MAST4: variants seen among roughly 807,000 people sequenced by gnomAD.
The protein encoded by MAST4 is microtubule associated serine/threonine kinase family member 4, also known as microtubule-associated serine/threonine-protein kinase 4.
MAST4 carries 89 observed loss-of-function variants against 162.7 expected under a neutral mutation model. The observed-to-expected ratio is 0.55, with a 90% CI of 0.46 to 0.65. MAST4 has a LOEUF of 0.65. Among genes scored for constraint, MAST4 ranks in the 30% least tolerant of loss-of-function variants. The probability of loss-of-function intolerance (pLI) is 0.00; values close to 1 mark genes in which losing one functional copy is unlikely to be tolerated. For synonymous variants in MAST4, 1,479 were observed against 1,361.1 expected, an observed-to-expected ratio of 1.09 and a Z score of -1.91; for missense variants, 3,153 against 3,374.0, an observed-to-expected ratio of 0.93 and a Z score of 1.62.
At position 66,676,037 on chromosome 5, in the gene MAST4, C is replaced by T. The variant is rs544307221; in HGVS notation, c.363+79019C>T. Among the ~76,000 whole-genome samples the T allele has an allele frequency of 7.9e-5, 12 of 152,264 alleles. No individual in the cohort carries two copies. In the South Asian group the frequency reaches 1.5e-3, roughly 18 times the overall value. On this transcript the variant is annotated intron_variant, in intron 1 of 28. Transcript: ENST00000403625. ...GCCTTATTTTGTGTGGCTTAGTTGA[C>T]GCATGAAATCTTCATTGATTTTTGG...
intron 4 of MAST4, among the ~76,000 whole-genome samples, chr5:67,011,594 C>T (rs1752680313): frequency 6.6e-6 from 1 of 152,186 alleles, no homozygotes; most frequent in Non-Finnish European, 1.5e-5. Context: ...AGGGATACCC[C>T]TAGAGCAGAG....
At chr5:66,950,321 A>G (rs1283637910) in intron 4 of MAST4, among the ~76,000 whole-genome samples, 2 of 151,764 alleles carry the variant, frequency 1.3e-5, no homozygotes, top group Non-Finnish European at 2.9e-5. Context: ...ATTCTGCGCC[A>G]TTAAGTACAT....
intron 4 of MAST4, among the ~76,000 whole-genome samples, chr5:66,958,581 C>T (rs1487645682): frequency 2.0e-5 from 3 of 152,316 alleles, no homozygotes; most frequent in African/African-American, 4.8e-5. Context: ...TTTGCCTGTT[C>T]ACACAAGTCT....
chr5:66,597,120 G>C, intron 1 of MAST4, 102 bp downstream of exon 1: 1 of 1,247,698 alleles, frequency 8.0e-7, no homozygotes. Context: ...CTGTGGCCTG[G>C]AGATAGGGAG....
At chr5:67,081,165 A>G (rs2150740695) in intron 5 of MAST4, among the ~76,000 whole-genome samples, 1 of 148,994 alleles carries the variant, frequency 6.7e-6, no homozygotes, top group East Asian at 2.0e-4. Context: ...CAGGAGCAAT[A>G]GAAGCTTAGC....
intron 1 of MAST4, among the ~76,000 whole-genome samples, chr5:66,654,366 T>C (rs1288909167): frequency 6.6e-6 from 1 of 152,120 alleles, no homozygotes; most frequent in Non-Finnish European, 1.5e-5. Context: ...TAAAGGACTG[T>C]GGTTGCTGTG....
chr5:66,728,269 G>T (rs1288962227), intron 1 of MAST4, among the ~76,000 whole-genome samples: 1 of 152,180 alleles, frequency 6.6e-6, no homozygotes, highest in Non-Finnish European at 1.5e-5. Context: ...AAGTTCTTCT[G>T]TTGGTGTGTG....
intron 1 of MAST4, among the ~76,000 whole-genome samples, chr5:66,719,082 T>C (rs375147850): frequency 3.3e-5 from 5 of 152,288 alleles, no homozygotes; most frequent in Admixed American, 6.5e-5. Context: ...GGGTGAGTTA[T>C]GGGAAGTGAA....
intron 4 of MAST4, among the ~76,000 whole-genome samples, chr5:67,003,404 G>T (rs1403794511): frequency 6.6e-6 from 1 of 152,130 alleles, no homozygotes; most frequent in Non-Finnish European, 1.5e-5. Flanking sequence ...TGGGCCACAA[G>T]AATTAGATAA....
At chr5:66,666,042 A>G (rs1747235961) in intron 1 of MAST4, among the ~76,000 whole-genome samples, 1 of 152,138 alleles carries the variant, frequency 6.6e-6, no homozygotes, top group South Asian at 2.1e-4. Flanking sequence ...ATTCTAGTTT[A>G]ATTGGTTTAG....
chr5:66,800,579 A>G (rs552764302), intron 3 of MAST4, among the ~76,000 whole-genome samples: 3 of 152,232 alleles, frequency 2.0e-5, no homozygotes, highest in African/African-American at 7.2e-5. Flanking sequence ...GATCAGGAAA[A>G]ATAACTAATG....
At chr5:66,684,155 C>T (rs897257154) in intron 1 of MAST4, among the ~76,000 whole-genome samples, 1 of 152,146 alleles carries the variant, frequency 6.6e-6, no homozygotes, top group African/African-American at 2.4e-5. Flanking sequence ...CTGATGAAAG[C>T]TGGGGCAGTG....
intron 1 of MAST4, among the ~76,000 whole-genome samples, chr5:66,639,392 G>A (rs545973270): frequency 2.0e-5 from 3 of 151,958 alleles, no homozygotes; most frequent in Non-Finnish European, 2.9e-5. Context: ...CACACACCGT[G>A]TTTTGTACAT....
rs752562246 is a variant in MAST4, at chr5:66,759,695, T to C, written c.364-14T>C. 1 of 1,613,374 alleles carries C rather than the reference T, an allele frequency of 6.2e-7. No individual in the cohort carries two copies. Among genetic ancestry groups the C allele is most frequent in the East Asian group, 2.2e-5 (1 of 44,880 alleles). On this transcript the variant is annotated splice_polypyrimidine_tract_variant and intron_variant, in intron 1 of 28. Transcript: ENST00000403625. Reference sequence around the variant, plus strand: ...ATGCCCTAGCCAGTGATGCCATTCTTCCTCTTTCTGCAGCTTGACCACATA... The same window carrying C: ...ATGCCCTAGCCAGTGATGCCATTCTCCCTCTTTCTGCAGCTTGACCACATA...
chr5:67,133,009 G>C (rs906877692), intron 16 of MAST4, among the ~76,000 whole-genome samples: 1 of 151,958 alleles, frequency 6.6e-6, no homozygotes, highest in Admixed American at 6.6e-5. Context: ...TTTAATTGCA[G>C]ATTCTTTGCA....
At chr5:66,757,362 T>C (rs189922922) in intron 1 of MAST4, among the ~76,000 whole-genome samples, 2 of 152,358 alleles carry the variant, frequency 1.3e-5, no homozygotes, top group Admixed American at 6.5e-5. Context: ...GTGCATTTAC[T>C]AGGACTATTA....
intron 4 of MAST4, among the ~76,000 whole-genome samples, chr5:66,945,488 G>A (rs1366753824): frequency 1.3e-5 from 2 of 152,032 alleles, no homozygotes. Context: ...AACGTCTTGG[G>A]GCCTAATCCC....
intron 4 of MAST4, among the ~76,000 whole-genome samples, chr5:66,971,894 AC>A (rs1747477327): frequency 6.7e-6 from 1 of 150,212 alleles, no homozygotes; most frequent in Non-Finnish European, 1.5e-5. Context: ...ATTAACACCC[AC>A]CCTGTTGATA....
At chr5:66,875,146 T>C (rs776986069) in intron 3 of MAST4, among the ~76,000 whole-genome samples, 9 of 152,220 alleles carry the variant, frequency 5.9e-5, no homozygotes, top group Non-Finnish European at 1.2e-4. Context: ...GAATTTCAAG[T>C]GTTAAAGAAT....
Sources: gnomAD v4.1 joint callset for allele counts (sites outside exome capture counted in the v4.1 genomes callset) on GRCh38, gnomAD v4.1.1 for gene constraint, MANE v1.5 for transcripts, NCBI Gene and HGNC (gene_info 2026-07-23, HGNC 2026-07-21) for gene names.